The following RANBP2 variants were observed in gnomAD, a reference collection of about 807,000 sequenced individuals.
RANBP2 encodes the protein RAN binding protein 2, also known as E3 SUMO-protein ligase RanBP2.
Under a neutral mutation model 303.6 loss-of-function variants are expected in RANBP2, and 57 were observed. The ratio of observed to expected loss-of-function variants is 0.19; its 90% CI spans 0.15 to 0.23. The LOEUF is 0.23. Ranked by LOEUF, RANBP2 falls within the 10% of genes least tolerant of loss-of-function variation. The probability of loss-of-function intolerance (pLI) is 1.00; values close to 1 mark genes in which losing one functional copy is unlikely to be tolerated. For synonymous variants in RANBP2, 1,167 were observed against 1,301.5 expected (o/e 0.90, Z 2.23); for missense variants, 3,138 against 3,780.8 (o/e 0.83, Z 4.46).
At chr2:109,503,273 T>C in the RANBP2 span, 6 of 152,180 alleles carry the variant, frequency 3.9e-5, no homozygotes, top group African/African-American at 9.7e-5. Flanking sequence ...TTTGGTAACA[T>C]AGGGTGTCAT....
chr2:109,547,370 T>TG, the RANBP2 span, among the ~76,000 whole-genome samples: 1 of 49,822 alleles, frequency 2.0e-5, no homozygotes. Context: ...AATAAACTTG[T>TG]TTTTTTTTTT....
chr2:108,864,677 C>T, the RANBP2 span, among the ~76,000 whole-genome samples: 1 of 152,006 alleles, frequency 6.6e-6, no homozygotes, highest in Non-Finnish European at 1.5e-5. Context: ...GCCTGTAGTC[C>T]CAGCTACTCG....
chr2:109,179,407 G>C, the RANBP2 span, among the ~76,000 whole-genome samples: 1 of 152,140 alleles, frequency 6.6e-6, no homozygotes, highest in Admixed American at 6.6e-5. Context: ...GTGGTGGCTC[G>C]GAGCTGGGGG....
At chr2:109,685,809 G>A in the RANBP2 span, among the ~76,000 whole-genome samples, 2 of 152,328 alleles carry the variant, frequency 1.3e-5, no homozygotes, top group East Asian at 3.9e-4. Context: ...AGATTCAGAG[G>A]GCAAGGGAGG....
the RANBP2 span, among the ~76,000 whole-genome samples, chr2:108,882,038 T>G: frequency 6.6e-6 from 1 of 151,488 alleles, no homozygotes; most frequent in East Asian, 2.0e-4. Flanking sequence ...CTTGTAGTCC[T>G]AGCAACTCGA....
At chr2:108,969,908 T>G in the RANBP2 span, among the ~76,000 whole-genome samples, 1 of 152,202 alleles carries the variant, frequency 6.6e-6, no homozygotes, top group Non-Finnish European at 1.5e-5. Flanking sequence ...TTCAGGAGAA[T>G]CCAGAGTTCA....
At chr2:109,053,783 G>A in the RANBP2 span, among the ~76,000 whole-genome samples, 75 of 152,314 alleles carry the variant, frequency 4.9e-4, 1 homozygote, top group African/African-American at 1.7e-3. Flanking sequence ...CGTCAGGGGC[G>A]TGAGCCATTT....
the RANBP2 span, among the ~76,000 whole-genome samples, chr2:109,153,180 C>G: frequency 6.6e-6 from 1 of 152,182 alleles, no homozygotes; most frequent in South Asian, 2.1e-4. Flanking sequence ...AACTTATGCA[C>G]TGCAGCGTTC....
chr2:109,293,767 A>G, the RANBP2 span, among the ~76,000 whole-genome samples: 1 of 152,170 alleles, frequency 6.6e-6, no homozygotes, highest in Non-Finnish European at 1.5e-5. Flanking sequence ...AACAGGGTGC[A>G]CCCTCTCCCA....
At chr2:109,157,044 C>T in the RANBP2 span, among the ~76,000 whole-genome samples, 2 of 152,204 alleles carry the variant, frequency 1.3e-5, no homozygotes, top group African/African-American at 4.8e-5. Flanking sequence ...GGATTTGCAT[C>T]ATCTGACTGT....
At chr2:109,104,465 T>C in the RANBP2 span, among the ~76,000 whole-genome samples, 1 of 146,688 alleles carries the variant, frequency 6.8e-6, no homozygotes, top group Admixed American at 6.9e-5. Context: ...AGGGATTAGG[T>C]TTTTTTTTTG....
chr2:108,771,655 A>G (rs1197545770), intron 20 of RANBP2, 46 bp from the exon 21 acceptor site: 15 of 1,603,698 alleles, frequency 9.4e-6, no homozygotes, highest in Non-Finnish European at 1.1e-5. Context: ...ATTAACGTCA[A>G]TACTTAATAC....
chr2:109,609,870 C>T, the RANBP2 span, among the ~76,000 whole-genome samples: 3 of 152,050 alleles, frequency 2.0e-5, no homozygotes, highest in South Asian at 6.3e-4. Context: ...CTGTGTTTCT[C>T]GGGAGATGAA....
chr2:109,135,975 G>A, the RANBP2 span, among the ~76,000 whole-genome samples: 31 of 152,178 alleles, frequency 2.0e-4, no homozygotes, highest in East Asian at 5.8e-3. Context: ...TCCTGAAAAC[G>A]AGCCCACCTC....
the RANBP2 span, chr2:109,615,137 G>C: frequency 6.5e-7 from 1 of 1,549,702 alleles, no homozygotes; most frequent in African/African-American, 1.4e-5. Flanking sequence ...CCCCGCAGCT[G>C]AAGAGGAGCG....
the RANBP2 span, among the ~76,000 whole-genome samples, chr2:109,640,633 G>A: frequency 6.6e-6 from 1 of 152,276 alleles, no homozygotes; most frequent in South Asian, 2.1e-4. Flanking sequence ...CTGCAGCACA[G>A]CAGCAGGGTC....
chr2:109,115,910 G>A, the RANBP2 span, among the ~76,000 whole-genome samples: 1 of 152,344 alleles, frequency 6.6e-6, no homozygotes, highest in East Asian at 1.9e-4. Flanking sequence ...GGCTGGATAT[G>A]AAATTCTGGG....
At chr2:108,881,680 C>T in the RANBP2 span, among the ~76,000 whole-genome samples, 2 of 152,104 alleles carry the variant, frequency 1.3e-5, no homozygotes, top group African/African-American at 4.8e-5. Context: ...TATTAATTGG[C>T]CTAATTTCAG....
At chr2:109,575,599 T>C in the RANBP2 span, among the ~76,000 whole-genome samples, 7 of 152,218 alleles carry the variant, frequency 4.6e-5, no homozygotes, top group African/African-American at 1.7e-4. Flanking sequence ...GAATGGTGTG[T>C]GAGCATTCCA....
Sources: gnomAD v4.1 joint callset for allele counts (sites outside exome capture counted in the v4.1 genomes callset) on GRCh38, gnomAD v4.1.1 for gene constraint, MANE v1.5 for transcripts, NCBI Gene and HGNC (gene_info 2026-07-23, HGNC 2026-07-21) for gene names.